Variants in KAZN observed in about 807,000 individuals in gnomAD.
KAZN encodes kazrin, periplakin interacting protein.
In KAZN, 40 loss-of-function variants were observed where a neutral mutation model predicts 87.4. The ratio of observed to expected loss-of-function variants is 0.46; its 90% CI spans 0.36 to 0.60. KAZN has a LOEUF of 0.60. KAZN is among the 20% of genes least tolerant of loss of function. KAZN has a pLI of 0.00. For synonymous variants in KAZN, 466 were observed against 458.3 expected (o/e 1.02, Z -0.22); for missense variants, 898 against 1,073.9 (o/e 0.84, Z 2.29).
chr1:14,875,059 C>T (rs190180769), intron 1 of KAZN, among the ~76,000 whole-genome samples: 49 of 152,032 alleles, frequency 3.2e-4, no homozygotes, highest in Non-Finnish European at 6.0e-4. Flanking sequence ...TGGCCAGGTG[C>T]GGTGGCTCAC....
chr1:14,803,694 G>A (rs529099320), intron 1 of KAZN, among the ~76,000 whole-genome samples: 5 of 152,284 alleles, frequency 3.3e-5, no homozygotes, highest in East Asian at 1.9e-4. Context: ...GCTTTACGAC[G>A]GCACCTCCCG....
At chr1:14,048,243 C>G (rs1642161323) in intron 1 of KAZN, among the ~76,000 whole-genome samples, 1 of 152,212 alleles carries the variant, frequency 6.6e-6, no homozygotes, top group Admixed American at 6.5e-5. Context: ...ATCAACAATT[C>G]TGGCCAAATG....
chr1:14,052,690 G>T (rs1488688536), intron 1 of KAZN, among the ~76,000 whole-genome samples: 1 of 152,220 alleles, frequency 6.6e-6, no homozygotes, highest in African/African-American at 2.4e-5. Context: ...AATCATCCTG[G>T]AGAGCAGCAA....
intron 1 of KAZN, among the ~76,000 whole-genome samples, chr1:14,956,763 T>C (rs1237195556): frequency 2.0e-5 from 3 of 151,620 alleles, no homozygotes; most frequent in Non-Finnish European, 2.9e-5. Flanking sequence ...GATTGAAGAG[T>C]ATTGATCGAG....
In KAZN at chr1:15,083,354, G is replaced by T. The variant is rs548605990; in HGVS notation, c.1223-10826G>T. The stretch of plus-strand genomic sequence containing the variant: ...AAGCTTCTCCCAGACACTGGTGAAT[G>T]GTGCACTGGGCCTGTCCGGCCATCA... On this transcript the variant is annotated intron_variant, in intron 8 of 14. Transcript: ENST00000376030. 1.6e-3 allele frequency among the ~76,000 whole-genome samples: 247 copies of T among 152,314 alleles called. 1 individual carries two copies. Among genetic ancestry groups the T allele is most frequent in the Middle Eastern group, 0.01 (3 of 294 alleles).
At chr1:14,148,979 G>A (rs1363086722) in intron 1 of KAZN, among the ~76,000 whole-genome samples, 1 of 151,676 alleles carries the variant, frequency 6.6e-6, no homozygotes, top group African/African-American at 2.4e-5. Context: ...AGGGTGTTCT[G>A]TAGTTGAATT....
intron 2 of KAZN, among the ~76,000 whole-genome samples, chr1:14,467,681 A>AAAG (rs1391924425): frequency 2.0e-5 from 3 of 150,886 alleles, no homozygotes; most frequent in Non-Finnish European, 4.4e-5. Context: ...AGGCAAAAAA[A>AAAG]AAAAAAAAAA....
At chr1:14,781,563 G>A (rs1645350504) in intron 1 of KAZN, among the ~76,000 whole-genome samples, 1 of 152,216 alleles carries the variant, frequency 6.6e-6, no homozygotes, top group African/African-American at 2.4e-5. Flanking sequence ...AAATGAAGAT[G>A]TTGAAAACTG....
At chr1:14,492,389 A>T (rs779863142) in intron 2 of KAZN, among the ~76,000 whole-genome samples, 7 of 151,898 alleles carry the variant, frequency 4.6e-5, no homozygotes, top group Non-Finnish European at 8.8e-5. Context: ...TCATTCACTC[A>T]TTCTGTCAGT....
intron 1 of KAZN, among the ~76,000 whole-genome samples, chr1:14,775,019 C>A (rs960014667): frequency 6.6e-5 from 10 of 152,164 alleles, no homozygotes; most frequent in African/African-American, 2.4e-4. Context: ...AAAGGCAGAT[C>A]CTGGAGAGAG....
intron 1 of KAZN, among the ~76,000 whole-genome samples, chr1:14,902,326 C>T (rs1656019328): frequency 6.6e-6 from 1 of 151,704 alleles, no homozygotes; most frequent in Non-Finnish European, 1.5e-5. Context: ...CCCGGGTTCA[C>T]GCCATTCTCC....
chr1:14,905,099 C>A (rs915136707), intron 1 of KAZN, among the ~76,000 whole-genome samples: 6 of 152,154 alleles, frequency 3.9e-5, no homozygotes, highest in African/African-American at 1.4e-4. Flanking sequence ...CGCTCCTTCG[C>A]CCAGGCTGGA....
chr1:14,475,912 C>T (rs1326188735), intron 2 of KAZN, among the ~76,000 whole-genome samples: 2 of 152,048 alleles, frequency 1.3e-5, no homozygotes, highest in African/African-American at 4.8e-5. Context: ...TTGTCATGCT[C>T]TTCTTTTGTG....
At chr1:14,418,504 G>A (rs890265992) in intron 2 of KAZN, among the ~76,000 whole-genome samples, 7 of 152,214 alleles carry the variant, frequency 4.6e-5, no homozygotes, top group Admixed American at 6.5e-5. Context: ...CGGGTGGGAA[G>A]TGATTTTGTT....
rs902346565 is a variant in KAZN at position 14,133,385 on chromosome 1, G to A, written c.92-47050G>A. On this transcript the variant is annotated intron_variant, in intron 1 of 16. Transcript: ENST00000636203. ...CCTCTCAAAAAAAAAAAAAAAGAAA[G>A]AAAGAAAGAAAGAAAGAAAGAAAGA... is the stretch of plus-strand genomic sequence containing the variant. Among the ~76,000 whole-genome samples, 5 of 24,818 alleles carry A rather than the reference G, an allele frequency of 2.0e-4. 1 individual carries two copies. The highest frequency in any genetic ancestry group is 1.3e-3 in the South Asian group (1 of 746). The allele number at this position is 24,818 out of a possible 152,430, so 16.3% of individuals were successfully genotyped here. A position where few individuals can be genotyped will look rare whatever the true frequency, so the allele number is the denominator to read the frequency against.
At chr1:14,373,808 G>C (rs767955868) in intron 2 of KAZN, among the ~76,000 whole-genome samples, 3 of 152,158 alleles carry the variant, frequency 2.0e-5, no homozygotes, top group Non-Finnish European at 4.4e-5. Flanking sequence ...GATTTCATGG[G>C]GAATCGAGGC....
At chr1:14,156,757 A>G (rs1645601898) in intron 1 of KAZN, among the ~76,000 whole-genome samples, 1 of 152,108 alleles carries the variant, frequency 6.6e-6, no homozygotes, top group African/African-American at 2.4e-5. Flanking sequence ...CTTGAAGGCA[A>G]CAAATCATTG....
intron 1 of KAZN, among the ~76,000 whole-genome samples, chr1:14,608,671 A>G (rs1459081068): frequency 6.6e-6 from 1 of 152,184 alleles, no homozygotes; most frequent in African/African-American, 2.4e-5. Flanking sequence ...TAGATCTTGA[A>G]TAATAGCTTT....
chr1:14,849,447 G>A (rs1260330735), intron 1 of KAZN, among the ~76,000 whole-genome samples: 5 of 152,160 alleles, frequency 3.3e-5, no homozygotes, highest in South Asian at 2.1e-4. Flanking sequence ...CAAAGGTTTC[G>A]AGTCTCTTGT....
Sources: gnomAD v4.1 joint callset for allele counts (sites outside exome capture counted in the v4.1 genomes callset) on GRCh38, gnomAD v4.1.1 for gene constraint, MANE v1.5 for transcripts, NCBI Gene and HGNC (gene_info 2026-07-23, HGNC 2026-07-21) for gene names.